MGAM: variants seen among roughly 807,000 people sequenced by gnomAD.
MGAM encodes alpha-1,4-glucosidase.
Under a neutral mutation model 358.8 loss-of-function variants are expected in MGAM, and 253 were observed. The observed-to-expected ratio is 0.71, with a 90% CI of 0.64 to 0.78. MGAM has a LOEUF of 0.78. MGAM is among the 30% of genes least tolerant of loss of function. The pLI, the probability that MGAM is intolerant of heterozygous loss-of-function variation, is 0.00. For synonymous variants in MGAM, 1,105 were observed against 1,227.1 expected (o/e 0.90, Z 2.08); for missense variants, 3,080 against 3,432.6 (o/e 0.90, Z 2.57).
At chr7:142,021,161 A>G (rs1554458652) in intron 5 of MGAM, 78 bp downstream of exon 5, 2 of 1,067,016 alleles carry the variant, frequency 1.9e-6, no homozygotes, top group African/African-American at 1.6e-5. Flanking sequence ...TTACTACAAA[A>G]TAGAAAATTT....
intron 10 of MGAM, among the ~76,000 whole-genome samples, chr7:142,029,672 A>G (rs910304294): frequency 6.6e-6 from 1 of 152,184 alleles, no homozygotes; most frequent in East Asian, 1.9e-4. Context: ...TAGTATGGAC[A>G]TGTAATAAAA....
chr7:142,067,367 A>G lies in MGAM; in HGVS notation c.4946A>G (p.Asp1649Gly), dbSNP rs1812855846. The G allele has an allele frequency of 1.9e-6, 3 of 1,549,928 alleles. No homozygotes were observed. The East Asian group carries it at 6.8e-5, about 35-fold the overall frequency. The stretch of plus-strand genomic sequence containing the variant: ...TTTGTGTCAGACCAGGTGACATGGG[A>G]CATAGACAGTCAGTTCCTGCTGGGC... ...HEFVSDQVTW[D>G]IDSQFLLGPA... is the part of the protein sequence containing the mutation. Residue 1649 changes from aspartate (D) to glycine (G), a missense_variant, in exon 42 of 71, where the codon GAC becomes GGC. By Grantham distance (94) the Asp-to-Gly change is moderately conservative. Transcript: ENST00000475668.
In MGAM at chr7:142,041,907, ATATATATACGTATAATATATAATATATAT is replaced by A. The variant is rs1808654015; in HGVS notation, c.2498+1062_2498+1090del. On this transcript the variant is annotated intron_variant, in intron 21 of 70. Transcript: ENST00000475668. ...ACGTATAATATATAATATATATATT[ATATATATACGTATAATATATAATATATAT>A]ATTATATATATACATATATATAATA... is the stretch of plus-strand genomic sequence containing the variant. Among the ~76,000 whole-genome samples, 4 of 19,042 alleles carry A rather than the reference ATATATATACGTATAATATATAATATATAT, an allele frequency of 2.1e-4. 1 individual carries two copies. The highest frequency in any genetic ancestry group is 3.6e-4 in the Non-Finnish European group (4 of 11,118). The allele number at this position is 19,042 out of a possible 152,430, so 12.5% of individuals were successfully genotyped here.
chr7:142,035,360 T>C (rs1425606324), intron 16 of MGAM, among the ~76,000 whole-genome samples: 1 of 152,104 alleles, frequency 6.6e-6, no homozygotes, highest in Admixed American at 6.5e-5. Flanking sequence ...TACAGTTTAG[T>C]AAGAGGAGAC....
chr7:142,097,335 G>A (rs1044898712), intron 65 of MGAM, among the ~76,000 whole-genome samples: 1 of 89,194 alleles, frequency 1.1e-5, no homozygotes, highest in Non-Finnish European at 2.4e-5. Context: ...ATTTCTATAA[G>A]CAAATAGTGA....
intron 24 of MGAM, 37 bp from the exon 25 acceptor site, chr7:142,052,257 A>G: frequency 6.4e-7 from 1 of 1,551,794 alleles, no homozygotes; most frequent in Non-Finnish European, 8.7e-7. Flanking sequence ...CCTGTCTCCT[A>G]AAGATGAATT....
rs116828620 is a variant in MGAM at position 142,083,568 on chromosome 7, C to T, written c.6381+155C>T. On this transcript the variant is annotated intron_variant, in intron 53 of 70. Coordinates refer to ENST00000475668, the MANE Select transcript of MGAM (RefSeq NM_001365693.1). ...TAAGGAAAAATAAATACATTCTAATCACCATTAAATTTATAGCCTCTGTAA... is the reference window on the plus strand; with the variant it reads ...TAAGGAAAAATAAATACATTCTAATTACCATTAAATTTATAGCCTCTGTAA... Among the ~76,000 whole-genome samples, 1,226 of 146,676 alleles carry T rather than the reference C, an allele frequency of 8.4e-3. 132 individuals are homozygous for T. The South Asian group carries it at 0.094, about 11-fold the overall frequency.
In MGAM at chr7:142,094,889, T is replaced by C. The variant is rs762853036; in HGVS notation, c.7458+26T>C. 8.1e-6 allele frequency: 13 copies of C among 1,605,294 alleles called. No homozygotes were observed. The Admixed American group carries it at 1.8e-4, about 23-fold the overall frequency. The stretch of plus-strand genomic sequence containing the variant: ...GTAGGACAGTGGCCCCTACCTCCAG[T>C]GTTTCACTTGAAACACAGCCTCCAT... On this transcript the variant is annotated intron_variant, in intron 63 of 70. Coordinates refer to ENST00000475668, the MANE Select transcript of MGAM (RefSeq NM_001365693.1).
intron 37 of MGAM, among the ~76,000 whole-genome samples, chr7:142,065,021 C>T (rs749821554): frequency 1.3e-5 from 2 of 152,192 alleles, no homozygotes; most frequent in Non-Finnish European, 2.9e-5. Flanking sequence ...TTATAACCTT[C>T]ACTGTGTTCC....
chr7:142,081,213 G>A (rs1226390360), intron 50 of MGAM, among the ~76,000 whole-genome samples: 1 of 146,330 alleles, frequency 6.8e-6, no homozygotes, highest in Non-Finnish European at 1.5e-5. Flanking sequence ...ATAGACAACT[G>A]AGGTTTCTCT....
chr7:142,031,597 T>A, intron 12 of MGAM, 83 bp from the exon 13 acceptor site: 1 of 930,214 alleles, frequency 1.1e-6, no homozygotes, highest in East Asian at 2.4e-5. Context: ...GTGATCATAT[T>A]AGGAATTTCT....
intron 66 of MGAM, among the ~76,000 whole-genome samples, chr7:142,097,954 G>A (rs1413687538): frequency 6.6e-6 from 1 of 152,216 alleles, no homozygotes; most frequent in African/African-American, 2.4e-5. Context: ...TGTAAAGGCA[G>A]ATGCTTTTGA....
chr7:142,076,699 A>T lies in MGAM; in HGVS notation c.5366A>T (p.Asp1789Val). 1 of 1,552,132 alleles carries T rather than the reference A, an allele frequency of 6.4e-7. No homozygotes were observed. The highest frequency in any genetic ancestry group is 2.3e-5 in the East Asian group (1 of 43,882). The change falls in exon 47 of 71, where the codon GAC becomes GTC. Residue 1789 changes from aspartate (D) to valine (V), a missense_variant. By Grantham distance (152) the Asp-to-Val change is radical. This residue lies in a region of MGAM where 932 missense variants were observed against 1,198.2 expected (regional missense o/e 0.78). Transcript: ENST00000475668. Reference protein sequence around the residue: ...EVTISQSTYKDPNNLAFNEIK... With the variant: ...EVTISQSTYKVPNNLAFNEIK... ...ACTATTTCACAATCAACCTACAAGG[A>T]CCCCAATAATTTAGCATTCAATGAG...
chr7:142,092,732 T>C (rs1815517096), intron 59 of MGAM, 124 bp downstream of exon 59: 1 of 942,048 alleles, frequency 1.1e-6, no homozygotes, highest in African/African-American at 1.6e-5. Context: ...TGTGGTTTAC[T>C]GGGGACCAGA....
At chr7:142,046,464 A>G (rs542518048) in intron 21 of MGAM, among the ~76,000 whole-genome samples, 8 of 151,972 alleles carry the variant, frequency 5.3e-5, no homozygotes, top group Non-Finnish European at 8.8e-5. Flanking sequence ...TCCAACTGGC[A>G]TTATGTTAGC....
intron 1 of MGAM, among the ~76,000 whole-genome samples, chr7:141,999,980 C>A (rs1037395857): frequency 6.6e-6 from 1 of 151,850 alleles, no homozygotes; most frequent in African/African-American, 2.4e-5. Context: ...GAGCAAGTAA[C>A]CATATTTGAA....
At chr7:142,002,121 A>G (rs1296950538) in intron 1 of MGAM, among the ~76,000 whole-genome samples, 1 of 152,192 alleles carries the variant, frequency 6.6e-6, no homozygotes, top group African/African-American at 2.4e-5. Context: ...TAAAAAAATA[A>G]GACACTAATG....
At position 142,089,560 on chromosome 7, in the gene MGAM, T is replaced by G. The variant is rs560426508; in HGVS notation, c.6811-2353T>G. ...GCTCATGCCTGCAATCCCAGCACTT[T>G]GGGAGGCTGATCACGAGGTCAGGAG... On this transcript the variant is annotated intron_variant, in intron 57 of 70. Coordinates refer to ENST00000475668, the MANE Select transcript of MGAM (RefSeq NM_001365693.1). 9.6e-5 allele frequency among the ~76,000 whole-genome samples: 14 copies of G among 146,372 alleles called. 1 individual carries two copies. The highest frequency in any genetic ancestry group is 3.2e-4 in the African/African-American group (13 of 41,248).
At chr7:142,057,236 G>T (rs148242025) in intron 30 of MGAM, among the ~76,000 whole-genome samples, 1 of 151,912 alleles carries the variant, frequency 6.6e-6, no homozygotes, top group Non-Finnish European at 1.5e-5. Flanking sequence ...AGGGGCTGAC[G>T]GTGGTGATAG....
Sources: gnomAD v4.1 joint callset for allele counts (sites outside exome capture counted in the v4.1 genomes callset) on GRCh38, gnomAD v4.1.1 for gene constraint, gnomAD v4.1.1 regional missense constraint, MANE v1.5 for transcripts, NCBI Gene and HGNC (gene_info 2026-07-23, HGNC 2026-07-21) for gene names.